Variants in SCLY observed in about 807,000 individuals in gnomAD.
SCLY encodes the protein selenocysteine lyase.
In SCLY, 38 loss-of-function variants were observed where a neutral mutation model predicts 50.1. The observed-to-expected ratio is 0.76, with a 90% CI of 0.59 to 0.99. The LOEUF (loss-of-function observed/expected upper bound fraction) is 0.99. SCLY is among the 50% of genes least tolerant of loss of function. The pLI is 0.00. For synonymous variants in SCLY, 243 were observed against 249.4 expected, an observed-to-expected ratio of 0.97 and a Z score of 0.24; for missense variants, 600 against 620.0, an observed-to-expected ratio of 0.97 and a Z score of 0.34.
rs202189634 is a variant in SCLY at position 238,082,040 on chromosome 2, G to A, written c.613-5G>A. The A allele has an allele frequency of 5.7e-5, 91 of 1,610,306 alleles. 1 individual carries two copies. The highest frequency in any genetic ancestry group is 5.0e-4 in the Middle Eastern group (3 of 6,028). ...ACATACTCAACTGTTTCCTTTCCCC[G>A]TCAGCCTGTCCCTGAAATCAGTCAG... On this transcript the variant is annotated splice_region_variant and splice_polypyrimidine_tract_variant and intron_variant, in intron 5 of 11. Transcript: ENST00000254663.
chr2:238,061,003 C>G lies in SCLY; in HGVS notation c.-52C>G. On this transcript the variant is annotated 5_prime_UTR_variant, in exon 1 of 12. Transcript: ENST00000254663. ...CCGCCTCCTCCCCGGCGCTCTGGGC[C>G]CGTAGCGCTCCGCGGGAAGGAGGCT... is the stretch of plus-strand genomic sequence containing the variant. 14 of 1,301,336 alleles carry G rather than the reference C, an allele frequency of 1.1e-5. No individual in the cohort carries two copies. The highest frequency in any genetic ancestry group is 1.4e-5 in the Non-Finnish European group (14 of 1,012,148). The allele number at this position is 1,301,336 out of a possible 1,614,324, so 80.6% of individuals were successfully genotyped here.
chr2:238,091,232 C>T lies in SCLY; in HGVS notation c.899C>T (p.Pro300Leu), dbSNP rs748142420. The T allele has an allele frequency of 3.1e-6, 5 of 1,613,436 alleles. No homozygotes were observed. The African/African-American group carries it at 6.7e-5, about 22-fold the overall frequency. ...GTTTCTTACAGGACAGAGAACACCC[C>T]AATGATTGCTGGCCTTGGGAAGGTG... ...RNFRPGTENT[P>L]MIAGLGKAAE... The change falls in exon 8 of 12, where the codon CCA becomes CTA. Residue 300 changes from proline to leucine, a missense_variant. Transcript: ENST00000254663.
At chr2:238,094,134 A>G in intron 9 of SCLY, 190 bp downstream of exon 9, 2 of 636,074 alleles carry the variant, frequency 3.1e-6, no homozygotes, top group Non-Finnish European at 5.5e-6. Context: ...CCCCGAAAGC[A>G]GGACCCTAGG....
In SCLY at chr2:238,083,231, C is replaced by T. The variant is rs761584623; in HGVS notation, c.778-17C>T. 5 of 1,576,964 alleles carry T rather than the reference C, an allele frequency of 3.2e-6. No individual in the cohort carries two copies. The South Asian group carries it at 5.5e-5, about 17-fold the overall frequency. ...TGGAAAGTTCTTGTTGAATAAATGA[C>T]CAACTTTTCCTTCCAGTTTTATGGT... is the stretch of plus-strand genomic sequence containing the variant. On this transcript the variant is annotated splice_polypyrimidine_tract_variant and intron_variant, in intron 6 of 11. Transcript: ENST00000254663. This position sits in a 1 kb window ranked among gnomAD's most constrained non-coding sequence, Gnocchi z 4.3.
intron 7 of SCLY, among the ~76,000 whole-genome samples, chr2:238,088,015 G>A (rs1354767609): frequency 6.6e-6 from 1 of 152,172 alleles, no homozygotes; most frequent in Non-Finnish European, 1.5e-5. Flanking sequence ...TTGCTTGAGT[G>A]AGCGTGGGAG....
chr2:238,091,102 T>C, intron 7 of SCLY, 116 bp from the exon 8 acceptor site: 1 of 977,964 alleles, frequency 1.0e-6, no homozygotes, highest in South Asian at 1.4e-5. Context: ...ACATGGCGCG[T>C]GCTTAGGAAA....
At chr2:238,073,753 T>C (rs777254338) in intron 4 of SCLY, 17 of 467,486 alleles carry the variant, frequency 3.6e-5, no homozygotes, top group Non-Finnish European at 6.6e-5. Flanking sequence ...GACATCAAGA[T>C]CAACCCCTCT....
intron 2 of SCLY, among the ~76,000 whole-genome samples, chr2:238,065,419 A>T (rs949987282): frequency 6.6e-6 from 1 of 152,150 alleles, no homozygotes; most frequent in Admixed American, 6.5e-5. Context: ...GCATTGTCTC[A>T]TGAAAAAGTC....
At chr2:238,080,769 C>T (rs1434026397) in intron 4 of SCLY, 1 of 152,312 alleles carries the variant, frequency 6.6e-6, no homozygotes. Flanking sequence ...CGTGTTCGGA[C>T]ATTGGGAAGC....
intron 7 of SCLY, 144 bp from the exon 8 acceptor site, chr2:238,091,074 G>A: frequency 1.3e-6 from 1 of 766,182 alleles, no homozygotes; most frequent in Non-Finnish European, 2.3e-6. Context: ...GGGGCCTGCA[G>A]CTGCCATTGA....
intron 4 of SCLY, among the ~76,000 whole-genome samples, chr2:238,076,468 T>G (rs1314209610): frequency 7.4e-6 from 1 of 134,856 alleles, no homozygotes; most frequent in African/African-American, 2.7e-5. Flanking sequence ...TTCCACATGT[T>G]TTAGTATGTT....
At chr2:238,074,305 C>CA (rs771011593) in intron 4 of SCLY, among the ~76,000 whole-genome samples, 120 of 125,516 alleles carry the variant, frequency 9.6e-4, no homozygotes, top group Non-Finnish European at 9.9e-4. Context: ...GACTCCATCT[C>CA]AAAAAAAAAA....
chr2:238,094,352 A>C (rs1287253800), intron 9 of SCLY, 68 bp from the exon 10 acceptor site: 1 of 1,335,684 alleles, frequency 7.5e-7, no homozygotes, highest in East Asian at 2.3e-5. Flanking sequence ...GAAAAGTCTA[A>C]ATTTCAAACA....
At chr2:238,097,558 C>T (rs1328389654) in intron 11 of SCLY, among the ~76,000 whole-genome samples, 1 of 152,044 alleles carries the variant, frequency 6.6e-6, no homozygotes, top group African/African-American at 2.4e-5. Context: ...TGTGCAGGAG[C>T]ACCTGGAGCG....
At position 238,069,281 on chromosome 2, in the gene SCLY, T is replaced by G; in HGVS notation, c.304-16T>G. 1 of 1,610,412 alleles carries G rather than the reference T, an allele frequency of 6.2e-7. No individual in the cohort carries two copies. Among genetic ancestry groups the G allele is most frequent in the South Asian group, 1.1e-5 (1 of 90,350 alleles). On this transcript the variant is annotated splice_polypyrimidine_tract_variant and intron_variant, in intron 3 of 11. Coordinates refer to ENST00000254663, the MANE Select transcript of SCLY (RefSeq NM_016510.7). This position sits in a 1 kb window ranked among gnomAD's most constrained non-coding sequence, Gnocchi z 5.0. The stretch of plus-strand genomic sequence containing the variant: ...GCACAGTTTTTGTAAATGCTTTTTT[T>G]GCTGTATCTCTGCAGTCAAATAATT...
Position 238,082,073 on chromosome 2 carries a change from A to G in SCLY, c.641A>G (p.Lys214Arg). 1 of 1,613,942 alleles carries G rather than the reference A, an allele frequency of 6.2e-7. No individual in the cohort carries two copies. Residue 214 changes from lysine to arginine, a missense_variant, in exon 6 of 12, where the codon AAA becomes AGA. Physicochemically the swap from Lys to Arg is conservative, Grantham distance 26. Transcript: ENST00000254663. ...GTCCCTGAAATCAGTCAGCGCATTAAAGCCCTGAACCAGGAACGGGTGGCA... is the reference window on the plus strand; with the variant it reads ...GTCCCTGAAATCAGTCAGCGCATTAGAGCCCTGAACCAGGAACGGGTGGCA... Reference protein sequence around the residue: ...MPVPEISQRIKALNQERVAAG... With the variant: ...MPVPEISQRIRALNQERVAAG...
intron 4 of SCLY, 74 bp from the exon 5 acceptor site, chr2:238,081,635 A>G: frequency 6.4e-7 from 1 of 1,551,750 alleles, no homozygotes; most frequent in Non-Finnish European, 8.8e-7. Context: ...GAAAACTGTT[A>G]AGCTCTGTTG....
intron 7 of SCLY, among the ~76,000 whole-genome samples, chr2:238,085,535 G>A (rs1033155110): frequency 6.6e-6 from 1 of 151,148 alleles, no homozygotes; most frequent in African/African-American, 2.4e-5. Context: ...TGGCTAACAC[G>A]GTGAAACCCC....
rs985069122 is a variant in SCLY at position 238,069,177 on chromosome 2, T to A, written c.304-120T>A. ...TTTCAAAAGGTCCCACTCAGGAAGT[T>A]GAATTTCTTTGAAGCTTTTTTGATG... On this transcript the variant is annotated intron_variant, in intron 3 of 11. Coordinates refer to ENST00000254663, the MANE Select transcript of SCLY (RefSeq NM_016510.7). The surrounding 1 kb of genome is among the most constrained non-coding windows in gnomAD (Gnocchi z 5.0). 1 of 910,424 alleles carries A rather than the reference T, an allele frequency of 1.1e-6. No individual in the cohort carries two copies. The highest frequency in any genetic ancestry group is 1.7e-5 in the African/African-American group (1 of 58,482). The allele number at this position is 910,424 out of a possible 1,614,324, so 56.4% of individuals were successfully genotyped here.
Sources: allele counts gnomAD v4.1 joint callset (sites outside exome capture counted in the v4.1 genomes callset), GRCh38; gene constraint gnomAD v4.1.1; non-coding constraint Gnocchi (gnomAD v3.1); transcripts MANE v1.5; gene names NCBI Gene and HGNC (gene_info 2026-07-23, HGNC 2026-07-21).